MSH3: variants seen among roughly 807,000 people sequenced by gnomAD.
MSH3 encodes the protein DNA mismatch repair protein Msh3.
A neutral mutation model predicts 123.3 loss-of-function variants in MSH3; 106 were observed. That is an observed-to-expected ratio of 0.86 (90% confidence interval 0.73 to 1.01). The LOEUF is 1.01. Ranked by LOEUF, MSH3 falls within the 50% of genes least tolerant of loss-of-function variation. MSH3 has a pLI of 0.00. For synonymous variants in MSH3, 515 were observed against 481.4 expected (o/e 1.07, Z -0.91); for missense variants, 1,459 against 1,347.6 (o/e 1.08, Z -1.29).
chr5:80,798,116 A>G (rs1431589937), intron 19 of MSH3, among the ~76,000 whole-genome samples: 2 of 152,236 alleles, frequency 1.3e-5, no homozygotes, highest in African/African-American at 2.4e-5. Context: ...TGGGAAGAAA[A>G]TGAGTCAAAC....
rs182876666 is a variant in MSH3 at position 80,774,304 on chromosome 5, A to T, written c.2254-1390A>T. ...TTATCCAAAAGACAGGCAATAACAA[A>T]TGTTGATGAGGATGTGGAGAAAAGG... On this transcript the variant is annotated intron_variant, in intron 15 of 23. Transcript: ENST00000265081. Among the ~76,000 whole-genome samples, 45 of 152,154 alleles carry T rather than the reference A, an allele frequency of 3.0e-4. No individual in the cohort carries two copies. In the East Asian group the frequency reaches 8.1e-3, roughly 27 times the overall value.
intron 8 of MSH3, among the ~76,000 whole-genome samples, chr5:80,722,306 G>A (rs1751098207): frequency 6.6e-6 from 1 of 152,078 alleles, no homozygotes; most frequent in Non-Finnish European, 1.5e-5. Context: ...TCTGCATAGG[G>A]AGCCAAAGAA....
At position 80,778,722 on chromosome 5, in the gene MSH3, C is replaced by G; in HGVS notation, c.2321C>G (p.Thr774Arg). 6.3e-7 allele frequency: 1 copy of G among 1,590,438 alleles called. No homozygotes were observed. Among genetic ancestry groups the G allele is most frequent in the Non-Finnish European group, 8.6e-7 (1 of 1,158,432 alleles). Residue 774 changes from threonine to arginine, a missense_variant and splice_region_variant, in exon 17 of 24, where the codon ACA (threonine) becomes AGA (arginine). Transcript: ENST00000265081. ...TTGTGTTCTTTCCCCTCTTCTAGCACAAAAGCTGTGAGCCGCTTTCACTCT... is the reference window on the plus strand; with the variant it reads ...TTGTGTTCTTTCCCCTCTTCTAGCAGAAAAGCTGTGAGCCGCTTTCACTCT... Reference protein sequence around the residue: ...IPTDWVKVGSTKAVSRFHSPF... With the variant: ...IPTDWVKVGSRKAVSRFHSPF...
At chr5:80,716,341 T>C (rs766191142) in intron 8 of MSH3, among the ~76,000 whole-genome samples, 3 of 152,222 alleles carry the variant, frequency 2.0e-5, no homozygotes, top group Non-Finnish European at 4.4e-5. Context: ...TAAAGGTCGA[T>C]TCTTAAAAGA....
At chr5:80,873,748 A>G (rs1746262399) in intron 23 of MSH3, among the ~76,000 whole-genome samples, 1 of 152,192 alleles carries the variant, frequency 6.6e-6, no homozygotes, top group Non-Finnish European at 1.5e-5. Context: ...CTTATTTTGT[A>G]GATTGTGACA....
At chr5:80,731,396 G>A (rs1006269106) in intron 10 of MSH3, among the ~76,000 whole-genome samples, 1 of 152,102 alleles carries the variant, frequency 6.6e-6, no homozygotes, top group Non-Finnish European at 1.5e-5. Context: ...GTGACTTAGT[G>A]TATCATCTAA....
At chr5:80,807,287 A>C (rs1306688570) in intron 19 of MSH3, among the ~76,000 whole-genome samples, 1 of 152,174 alleles carries the variant, frequency 6.6e-6, no homozygotes, top group Non-Finnish European at 1.5e-5. Context: ...AATGGATATA[A>C]ACAAAGTTAA....
At chr5:80,712,225 C>T (rs1580579106) in intron 8 of MSH3, among the ~76,000 whole-genome samples, 1 of 152,324 alleles carries the variant, frequency 6.6e-6, no homozygotes, top group East Asian at 1.9e-4. Context: ...CTTCTGGGAG[C>T]TCCTGTATAA....
intron 14 of MSH3, 76 bp downstream of exon 14, chr5:80,768,196 C>A (rs1464680624): frequency 9.3e-6 from 12 of 1,289,798 alleles, no homozygotes; most frequent in Non-Finnish European, 1.4e-5. Context: ...TTTGTGGATT[C>A]TTAATCTTTA....
intron 20 of MSH3, among the ~76,000 whole-genome samples, chr5:80,843,023 T>A (rs1168275970): frequency 6.6e-6 from 1 of 152,194 alleles, no homozygotes; most frequent in Non-Finnish European, 1.5e-5. Flanking sequence ...CCATTCAGTA[T>A]GATATTGGCT....
intron 8 of MSH3, among the ~76,000 whole-genome samples, chr5:80,690,274 C>G (rs556309727): frequency 8.3e-4 from 126 of 152,136 alleles, no homozygotes; most frequent in African/African-American, 3.0e-3. Flanking sequence ...GTTTGCCCTC[C>G]GTTGGGTACC....
rs368053954 is a variant in MSH3, at chr5:80,827,553, G to C, written c.2813+13812G>C. On this transcript the variant is annotated intron_variant, in intron 20 of 23. Coordinates refer to ENST00000265081, the MANE Select transcript of MSH3 (RefSeq NM_002439.5). ...TGAATCAGTCCACACCTTCTAATTA[G>C]TTGTAAATACCAGTACTAAAATCCA... Among the ~76,000 whole-genome samples, 8 of 147,634 alleles carry C rather than the reference G, an allele frequency of 5.4e-5. 1 individual carries two copies. Among genetic ancestry groups the C allele is most frequent in the African/African-American group, 2.0e-4 (8 of 39,410 alleles).
intron 8 of MSH3, among the ~76,000 whole-genome samples, chr5:80,691,220 T>C (rs1426941686): frequency 6.6e-6 from 1 of 151,924 alleles, no homozygotes; most frequent in East Asian, 1.9e-4. Flanking sequence ...TGACAAATTA[T>C]CAGAAGTAAT....
intron 20 of MSH3, among the ~76,000 whole-genome samples, chr5:80,828,108 A>T (rs1414784002): frequency 1.3e-5 from 2 of 152,164 alleles, no homozygotes; most frequent in Non-Finnish European, 2.9e-5. Flanking sequence ...CTCATTGGGT[A>T]ATTGATAAAC....
intron 10 of MSH3, among the ~76,000 whole-genome samples, chr5:80,732,263 C>G (rs1743425431): frequency 1.3e-5 from 2 of 152,070 alleles, no homozygotes; most frequent in Non-Finnish European, 2.9e-5. Flanking sequence ...ATGCTTTTGT[C>G]ATTTTGGATG....
At chr5:80,784,862 A>G (rs6151826) in intron 17 of MSH3, among the ~76,000 whole-genome samples, 10,946 of 152,272 alleles carry the variant, frequency 0.072, 800 homozygotes, top group East Asian at 0.33. Flanking sequence ...ATTATGTTCT[A>G]TCTACTCAGT....
chr5:80,685,173 C>T (rs1405056178), intron 8 of MSH3, among the ~76,000 whole-genome samples: 4 of 147,682 alleles, frequency 2.7e-5, no homozygotes, highest in Non-Finnish European at 5.9e-5. Flanking sequence ...TAATACTGGC[C>T]TCGTAGAATG....
intron 12 of MSH3, among the ~76,000 whole-genome samples, chr5:80,758,460 G>A (rs959800973): frequency 6.6e-6 from 1 of 152,064 alleles, no homozygotes; most frequent in Non-Finnish European, 1.5e-5. Flanking sequence ...CATTTTATAG[G>A]TGGAGAAACT....
At chr5:80,868,772 TA>T (rs1312940564) in intron 22 of MSH3, among the ~76,000 whole-genome samples, 12 of 143,222 alleles carry the variant, frequency 8.4e-5, no homozygotes, top group Middle Eastern at 3.5e-3. Flanking sequence ...CTTAAAAGTT[TA>T]AAAAAAAAAA....
Sources: allele counts gnomAD v4.1 joint callset (sites outside exome capture counted in the v4.1 genomes callset), GRCh38; gene constraint gnomAD v4.1.1; transcripts MANE v1.5; gene names NCBI Gene and HGNC (gene_info 2026-07-23, HGNC 2026-07-21).